Variants in VTI1B observed in about 807,000 individuals in gnomAD.
VTI1B encodes the protein vesicle transport through interaction with t-SNAREs homolog 1B.
A neutral mutation model predicts 28.6 loss-of-function variants in VTI1B; 18 were observed. That is an observed-to-expected ratio of 0.63 (90% confidence interval 0.43 to 0.93). The LOEUF is 0.93. Ranked by LOEUF, VTI1B falls within the 40% of genes least tolerant of loss-of-function variation. The pLI is 0.00. For synonymous variants in VTI1B, 100 were observed against 107.9 expected, an observed-to-expected ratio of 0.93 and a Z score of 0.46; for missense variants, 283 against 297.0, an observed-to-expected ratio of 0.95 and a Z score of 0.35.
chr14:67,652,281 AAAG>A (rs1211854772), intron 5 of VTI1B: 2 of 152,428 alleles, frequency 1.3e-5, no homozygotes, highest in Admixed American at 6.5e-5. Flanking sequence ...TATTGTCTTC[AAAG>A]AAGGACTTAT....
chr14:67,671,098 A>C (rs2037459674), intron 1 of VTI1B, among the ~76,000 whole-genome samples: 1 of 152,248 alleles, frequency 6.6e-6, no homozygotes, highest in Non-Finnish European at 1.5e-5. Context: ...CAATTTATTC[A>C]ACAAACATTT....
rs1244713962 is a variant in VTI1B at position 67,650,723 on chromosome 14, T to C, written c.*662A>G. On this transcript the variant is annotated 3_prime_UTR_variant, in exon 6 of 6. Coordinates refer to ENST00000554659, the MANE Select transcript of VTI1B (RefSeq NM_006370.3). The stretch of plus-strand genomic sequence containing the variant: ...ACACTTTGTTCTTCCAGGGTTGCTA[T>C]CAGCACTGGATCTTGTTGAAGTCAA... The C allele has an allele frequency of 6.2e-7, 1 of 1,613,844 alleles. No homozygotes were observed. The highest frequency in any genetic ancestry group is 1.7e-5 in the Admixed American group (1 of 60,020).
At chr14:67,673,868 C>G in intron 1 of VTI1B, among the ~76,000 whole-genome samples, 1 of 152,130 alleles carries the variant, frequency 6.6e-6, no homozygotes, top group East Asian at 1.9e-4. Flanking sequence ...CAAAACAAGA[C>G]CACATCTAAA....
chr14:67,668,986 C>A (rs2037435253), intron 1 of VTI1B, among the ~76,000 whole-genome samples: 1 of 152,056 alleles, frequency 6.6e-6, no homozygotes, highest in South Asian at 2.1e-4. Flanking sequence ...GTATACAGGG[C>A]TGGTATTCTT....
intron 5 of VTI1B, 80 bp from the exon 6 acceptor site, chr14:67,651,561 C>T (rs1285080837): frequency 6.7e-7 from 1 of 1,496,536 alleles, no homozygotes; most frequent in African/African-American, 1.4e-5. Context: ...AGACCTGGGA[C>T]CACGGCTGGA....
intron 1 of VTI1B, among the ~76,000 whole-genome samples, chr14:67,671,991 G>T (rs2037470245): frequency 6.6e-6 from 1 of 152,142 alleles, no homozygotes; most frequent in Non-Finnish European, 1.5e-5. Flanking sequence ...GTTTTAGAGG[G>T]GGACATTCAA....
chr14:67,647,099 C>T lies in VTI1B; in HGVS notation c.*4286G>A. ...CTTTTAGCCTGTTTCTTGAGGACAG[C>T]AGCTTTACTTTTAAAATACAAAGCA... On this transcript the variant is annotated 3_prime_UTR_variant, in exon 6 of 6. Transcript: ENST00000554659. 1.0e-6 allele frequency: 1 copy of T among 965,334 alleles called. No homozygotes were observed. Among genetic ancestry groups the T allele is most frequent in the Non-Finnish European group, 1.6e-6 (1 of 621,390 alleles). 59.8% of individuals were successfully genotyped at this position (965,334 alleles called of 1,614,324 possible).
intron 4 of VTI1B, among the ~76,000 whole-genome samples, chr14:67,654,469 A>G (rs2037229292): frequency 6.6e-6 from 1 of 152,162 alleles, no homozygotes; most frequent in African/African-American, 2.4e-5. Flanking sequence ...TCTACCTGGT[A>G]TGTTCAAAAA....
chr14:67,665,555 C>T (rs1180130179), intron 1 of VTI1B, among the ~76,000 whole-genome samples: 1 of 152,106 alleles, frequency 6.6e-6, no homozygotes, highest in Non-Finnish European at 1.5e-5. Flanking sequence ...GTGTGAGCCA[C>T]CACACCTGTC....
chr14:67,659,764 T>G lies in VTI1B; in HGVS notation c.333A>C (p.Lys111Asn). 1.2e-6 allele frequency: 2 copies of G among 1,613,716 alleles called. No homozygotes were observed. Among genetic ancestry groups the G allele is most frequent in the Non-Finnish European group, 1.7e-6 (2 of 1,179,886 alleles). ...CATTCTCTACAGCATATATGCCATA[T>G]TTCATGTCTCCTCGGCCTCCAGGTG... ...TATPGGRGDM[K>N]YGIYAVENEH... is the part of the protein sequence containing the mutation. Residue 111 changes from lysine to asparagine, a missense_variant, in exon 3 of 6, where the codon AAA becomes AAC. Coordinates refer to ENST00000554659, the MANE Select transcript of VTI1B (RefSeq NM_006370.3).
intron 1 of VTI1B, among the ~76,000 whole-genome samples, chr14:67,664,498 A>AT (rs11444640): frequency 0.84 from 123,009 of 147,090 alleles, 51,536 homozygotes; most frequent in Non-Finnish European, 0.87. Flanking sequence ...CTAAAGAGCA[A>AT]TTTTTTTTTT....
rs993546261 is a variant in VTI1B, at chr14:67,659,746, T to C, written c.351A>G (p.Val117=). Residue 117 remains valine, a synonymous_variant, in exon 3 of 6, where the codon GTA becomes GTG. Transcript: ENST00000554659. ...RGDMKYGIYA[V]ENEHMNRLQS... Reference sequence around the variant, plus strand: ...TAAAACTTACCATATGCTCATTCTCTACAGCATATATGCCATATTTCATGT... The same window carrying C: ...TAAAACTTACCATATGCTCATTCTCCACAGCATATATGCCATATTTCATGT... The C allele has an allele frequency of 1.2e-6, 2 of 1,611,136 alleles. No individual in the cohort carries two copies. The highest frequency in any genetic ancestry group is 1.3e-5 in the African/African-American group (1 of 74,746).
At chr14:67,666,057 C>G (rs17191694) in intron 1 of VTI1B, among the ~76,000 whole-genome samples, 1 of 152,086 alleles carries the variant, frequency 6.6e-6, no homozygotes, top group African/African-American at 2.4e-5. Context: ...TAAGCTGTCC[C>G]AAAAGTGCTG....
rs763987669 is a variant in VTI1B, at chr14:67,648,218, C to G, written c.*3167G>C. On this transcript the variant is annotated 3_prime_UTR_variant, in exon 6 of 6. Coordinates refer to ENST00000554659, the MANE Select transcript of VTI1B (RefSeq NM_006370.3). ...AACCAGGTCTGCAGCCTGTTAACTA[C>G]ATAGGTAAATATGCTAGAGTCTCTT... is the stretch of plus-strand genomic sequence containing the variant. The G allele has an allele frequency of 1.3e-6, 2 of 1,596,328 alleles. No homozygotes were observed. Among genetic ancestry groups the G allele is most frequent in the Non-Finnish European group, 1.7e-6 (2 of 1,167,838 alleles).
chr14:67,661,529 C>CT (rs35440818), intron 2 of VTI1B, among the ~76,000 whole-genome samples: 15,574 of 110,070 alleles, frequency 0.14, 1,449 homozygotes, highest in East Asian at 0.25. Flanking sequence ...GAACAGTAAC[C>CT]TTTTTTTTTT....
At chr14:67,656,638 CA>C in intron 3 of VTI1B, 49 bp from the exon 4 acceptor site, 1 of 1,545,136 alleles carries the variant, frequency 6.5e-7, no homozygotes, top group South Asian at 1.3e-5. Context: ...ATTATAAATT[CA>C]TTGCCAGCAT....
chr14:67,670,753 C>T (rs1027004876), intron 1 of VTI1B, among the ~76,000 whole-genome samples: 1 of 151,974 alleles, frequency 6.6e-6, no homozygotes, highest in African/African-American at 2.4e-5. Context: ...GGTCTCCATC[C>T]GTGACCTTGT....
chr14:67,672,098 G>A (rs1369602710), intron 1 of VTI1B, among the ~76,000 whole-genome samples: 1 of 151,606 alleles, frequency 6.6e-6, no homozygotes, highest in East Asian at 1.9e-4. Context: ...AATTAATTCA[G>A]TGCCAGGTTG....
At chr14:67,655,794 A>T (rs1193913200) in intron 4 of VTI1B, among the ~76,000 whole-genome samples, 2 of 152,226 alleles carry the variant, frequency 1.3e-5, no homozygotes, top group Non-Finnish European at 2.9e-5. Flanking sequence ...GAGAGAATGC[A>T]GCCACTTTAT....
Sources: gnomAD v4.1 joint callset for allele counts (sites outside exome capture counted in the v4.1 genomes callset) on GRCh38, gnomAD v4.1.1 for gene constraint, MANE v1.5 for transcripts, NCBI Gene and HGNC (gene_info 2026-07-23, HGNC 2026-07-21) for gene names.